Variants in CSMD1 observed in about 807,000 individuals in gnomAD.
The protein encoded by CSMD1 is CUB and sushi domain-containing protein 1.
A neutral mutation model predicts 417.5 loss-of-function variants in CSMD1; 213 were observed. That is an observed-to-expected ratio of 0.51 (90% CI 0.46 to 0.57). The LOEUF is 0.57. Among genes scored for constraint, CSMD1 ranks in the 20% least tolerant of loss-of-function variants. CSMD1 has a pLI of 0.00. For missense variants in CSMD1, 6,923 were observed against 4,529.7 expected, an observed-to-expected ratio of 1.53 and a Z score of -15.17; for synonymous variants, 2,862 against 1,736.8, an observed-to-expected ratio of 1.65 and a Z score of -16.11.
At chr8:3,994,184 T>A (rs1199222458) in intron 5 of CSMD1, among the ~76,000 whole-genome samples, 1 of 152,240 alleles carries the variant, frequency 6.6e-6, no homozygotes. Context: ...TTTATTTTCT[T>A]TTTCCTTACC....
chr8:3,971,779 G>T (rs1304899403), intron 5 of CSMD1, among the ~76,000 whole-genome samples: 1 of 152,180 alleles, frequency 6.6e-6, no homozygotes, highest in Non-Finnish European at 1.5e-5. Context: ...AATTACCAGT[G>T]TAGAGAACAG....
intron 1 of CSMD1, among the ~76,000 whole-genome samples, chr8:4,693,584 G>C (rs756234481): frequency 2.0e-5 from 3 of 152,196 alleles, no homozygotes; most frequent in Non-Finnish European, 4.4e-5. Flanking sequence ...CCATTAGGCA[G>C]AGTGGTATTG....
intron 1 of CSMD1, among the ~76,000 whole-genome samples, chr8:4,930,002 G>A (rs77101771): frequency 0.036 from 5,440 of 152,242 alleles, 269 homozygotes; most frequent in African/African-American, 0.11. Flanking sequence ...TTCACGTTAA[G>A]CACTGATGAG....
At chr8:4,498,595 AGTTC>A (rs1327492087) in intron 2 of CSMD1, among the ~76,000 whole-genome samples, 1 of 152,212 alleles carries the variant, frequency 6.6e-6, no homozygotes, top group East Asian at 1.9e-4. Context: ...ATTATAAAAT[AGTTC>A]ATTCAAAATA....
chr8:4,680,516 A>G (rs921373704), intron 1 of CSMD1, among the ~76,000 whole-genome samples: 11 of 152,146 alleles, frequency 7.2e-5, no homozygotes, highest in African/African-American at 2.7e-4. Flanking sequence ...GGGAGGAAGG[A>G]GAAATGGAAA....
intron 26 of CSMD1, among the ~76,000 whole-genome samples, chr8:3,244,043 A>G (rs1201848415): frequency 6.6e-6 from 1 of 152,194 alleles, no homozygotes; most frequent in East Asian, 1.9e-4. Context: ...TCACATCTGT[A>G]GAAAAATACA....
chr8:3,712,434 CAGACAGACAGAG>C (rs1232561337), intron 6 of CSMD1, among the ~76,000 whole-genome samples: 6,631 of 129,542 alleles, frequency 0.051, 232 homozygotes, highest in South Asian at 0.083. Context: ...GACAGACAGA[CAGACAGACAGAG>C]AGAGAGAGAA....
At chr8:3,342,351 C>T (rs1807712768) in intron 23 of CSMD1, among the ~76,000 whole-genome samples, 1 of 152,086 alleles carries the variant, frequency 6.6e-6, no homozygotes. Flanking sequence ...TAAAGGTATC[C>T]ATCACTAACA....
chr8:4,926,856 T>G (rs1806904226), intron 1 of CSMD1, among the ~76,000 whole-genome samples: 1 of 152,148 alleles, frequency 6.6e-6, no homozygotes, highest in Non-Finnish European at 1.5e-5. Flanking sequence ...TTGCTATCAA[T>G]GAACTTTAAG....
At chr8:4,735,888 T>G (rs1203157004) in intron 1 of CSMD1, among the ~76,000 whole-genome samples, 2 of 152,196 alleles carry the variant, frequency 1.3e-5, no homozygotes, top group East Asian at 1.9e-4. Context: ...AACACGCTAC[T>G]GCTTTACTAG....
At position 3,096,896 on chromosome 8, in the gene CSMD1, T is replaced by G; in HGVS notation, c.7091A>C (p.Asp2364Ala). 6.4e-7 allele frequency: 1 copy of G among 1,557,366 alleles called. No homozygotes were observed. ...EPNYNITIFV[D>A]TFQSEKQFDA... is the part of the protein sequence containing the mutation. Reference sequence around the variant, plus strand: ...AAACTGCTTTTCACTTTGAAATGTGTCCACAAAGATGGTAATGTTGTAGTT... The same window carrying G: ...AAACTGCTTTTCACTTTGAAATGTGGCCACAAAGATGGTAATGTTGTAGTT... Residue 2364 changes from aspartate (D) to alanine (A), a missense_variant, in exon 47 of 70, where the codon GAC becomes GCC. Coordinates refer to ENST00000635120, the MANE Select transcript of CSMD1 (RefSeq NM_033225.6).
At chr8:3,753,566 A>C (rs779227405) in intron 6 of CSMD1, among the ~76,000 whole-genome samples, 1 of 152,204 alleles carries the variant, frequency 6.6e-6, no homozygotes, top group Non-Finnish European at 1.5e-5. Flanking sequence ...GTGCATTTTC[A>C]TGCAACCTAT....
intron 3 of CSMD1, among the ~76,000 whole-genome samples, chr8:4,068,379 G>C (rs549676160): frequency 1.3e-5 from 2 of 152,172 alleles, no homozygotes; most frequent in African/African-American, 2.4e-5. Flanking sequence ...TCAGCCATGG[G>C]AGTGTGACTT....
chr8:4,167,345 A>T (rs1410228086), intron 3 of CSMD1, among the ~76,000 whole-genome samples: 1 of 152,218 alleles, frequency 6.6e-6, no homozygotes, highest in Non-Finnish European at 1.5e-5. Flanking sequence ...AGACTTTGTG[A>T]AGGGTGCCTG....
intron 1 of CSMD1, among the ~76,000 whole-genome samples, chr8:4,707,250 G>C (rs547085208): frequency 6.6e-6 from 1 of 152,068 alleles, no homozygotes; most frequent in Non-Finnish European, 1.5e-5. Context: ...TTCTTACAAC[G>C]GTCCTAGGAG....
intron 5 of CSMD1, among the ~76,000 whole-genome samples, chr8:3,981,264 G>T (rs1014255176): frequency 6.6e-6 from 1 of 152,112 alleles, no homozygotes; most frequent in African/African-American, 2.4e-5. Context: ...AACATCGTAT[G>T]TACTCACTGA....
chr8:3,569,837 G>C (rs992827145), intron 10 of CSMD1, among the ~76,000 whole-genome samples: 1 of 152,138 alleles, frequency 6.6e-6, no homozygotes, highest in South Asian at 2.1e-4. Context: ...TTTGCTAAGA[G>C]TATTGGTTGT....
chr8:4,925,611 G>GGA (rs1438897538), intron 1 of CSMD1, among the ~76,000 whole-genome samples: 1 of 150,512 alleles, frequency 6.6e-6, no homozygotes, highest in Non-Finnish European at 1.5e-5. Context: ...CAGTGGTGCA[G>GGA]TCTCGGCTCA....
At chr8:3,614,320 G>A (rs538471690) in intron 8 of CSMD1, among the ~76,000 whole-genome samples, 5 of 151,802 alleles carry the variant, frequency 3.3e-5, no homozygotes, top group African/African-American at 4.8e-5. Context: ...CGGGCTATAC[G>A]TCTGCACAAC....
Sources: allele counts gnomAD v4.1 joint callset (sites outside exome capture counted in the v4.1 genomes callset), GRCh38; gene constraint gnomAD v4.1.1; transcripts MANE v1.5; gene names NCBI Gene and HGNC (gene_info 2026-07-23, HGNC 2026-07-21).